The following GPSM1 variants were observed in gnomAD, a reference collection of about 807,000 sequenced individuals.
GPSM1 encodes the protein G protein-signaling modulator 1.
In GPSM1, 48 loss-of-function variants were observed where a neutral mutation model predicts 70.5. The observed-to-expected ratio is 0.68, with a 90% confidence interval of 0.54 to 0.87. The LOEUF (loss-of-function observed/expected upper bound fraction) is 0.87, where lower values mean the gene tolerates loss of function less well. Among genes scored for constraint, GPSM1 ranks in the 40% least tolerant of loss-of-function variants. The pLI is 0.00. For synonymous variants in GPSM1, 416 were observed against 430.1 expected (o/e 0.97, Z 0.41); for missense variants, 981 against 972.6 (o/e 1.01, Z -0.11).
intron 1 of GPSM1, among the ~76,000 whole-genome samples, chr9:136,328,922 C>T (rs113518691): frequency 2.5e-3 from 385 of 152,244 alleles, no homozygotes; most frequent in Non-Finnish European, 3.4e-3. Flanking sequence ...CCAGGGCGGC[C>T]GTGCTGTGAG....
In GPSM1 at chr9:136,337,471, C is replaced by T. The variant is rs75715080; in HGVS notation, c.609C>T (p.Gly203=). Residue 203 remains glycine, a synonymous_variant, in exon 5 of 14, where the codon GGC becomes GGT. Coordinates refer to ENST00000440944, the MANE Select transcript of GPSM1 (RefSeq NM_001145638.3). The stretch of plus-strand genomic sequence containing the variant: ...ACCTGTCCCTGGTGAAGGAGCTGGG[C>T]GACCGTGCGGCGCAGGGCAGGGCCT... The part of the protein sequence containing the change: ...ERNLSLVKEL[G]DRAAQGRAYG... 2.5e-5 allele frequency: 39 copies of T among 1,568,232 alleles called. No individual in the cohort carries two copies. Among genetic ancestry groups the T allele is most frequent in the East Asian group, 4.6e-5 (2 of 43,304 alleles).
At chr9:136,329,910 G>C (rs1832062922) in intron 1 of GPSM1, among the ~76,000 whole-genome samples, 1 of 150,228 alleles carries the variant, frequency 6.7e-6, no homozygotes, top group Non-Finnish European at 1.5e-5. Flanking sequence ...CTGGGTGCTG[G>C]GTCGGTGGGG....
chr9:136,337,738 A>G, intron 5 of GPSM1, 108 bp from the exon 6 acceptor site: 1 of 1,024,118 alleles, frequency 9.8e-7, no homozygotes, highest in Non-Finnish European at 1.5e-6. Context: ...GCTCACCCGG[A>G]CACACAGATC....
intron 12 of GPSM1, 28 bp downstream of exon 12, chr9:136,355,874 C>A: frequency 6.3e-7 from 1 of 1,576,708 alleles, no homozygotes; most frequent in Non-Finnish European, 8.7e-7. Context: ...CCGGGCCCTC[C>A]CTTGGGCTTG....
intron 11 of GPSM1, chr9:136,353,026 G>A: frequency 1.1e-6 from 1 of 905,984 alleles, no homozygotes; most frequent in South Asian, 5.1e-5. Context: ...AGGCATCCCA[G>A]CATTGAGGCA....
chr9:136,344,312 A>G (rs115512882), intron 9 of GPSM1, among the ~76,000 whole-genome samples: 4,037 of 152,218 alleles, frequency 0.027, 194 homozygotes, highest in African/African-American at 0.089. Flanking sequence ...GGAGATGACC[A>G]TCATGGTCCA....
rs904716184 is a variant in GPSM1, at chr9:136,336,280, C to G, written c.426+179C>G. 4.6e-5 allele frequency among the ~76,000 whole-genome samples: 7 copies of G among 152,192 alleles called. No individual in the cohort carries two copies. In the East Asian group the frequency reaches 1.4e-3, roughly 29 times the overall value. The stretch of plus-strand genomic sequence containing the variant: ...AGAGTGTGGGCCCCCAAAACAGGCC[C>G]CCCCAGCCCATGCTGACACTGCAGC... On this transcript the variant is annotated intron_variant, in intron 3 of 13. Transcript: ENST00000440944.
At chr9:136,334,315 G>A (rs1338319047) in intron 1 of GPSM1, 132 bp from the exon 2 acceptor site, 2 of 658,728 alleles carry the variant, frequency 3.0e-6, no homozygotes, top group Non-Finnish European at 5.3e-6. Context: ...GAGACACTTA[G>A]GTCTGTGAGC....
chr9:136,337,495 C>A lies in GPSM1; in HGVS notation c.633C>A (p.Ala211=), dbSNP rs148858116. 21 of 1,564,108 alleles carry A rather than the reference C, an allele frequency of 1.3e-5. No individual in the cohort carries two copies. The highest frequency in any genetic ancestry group is 1.8e-5 in the Non-Finnish European group (21 of 1,154,402). Residue 211 remains alanine, a synonymous_variant, in exon 5 of 14, where the codon GCC becomes GCA. Transcript: ENST00000440944. ...GCGACCGTGCGGCGCAGGGCAGGGC[C>A]TACGGCAACCTGGGCAACACCCACT... is the stretch of plus-strand genomic sequence containing the variant. ...ELGDRAAQGR[A]YGNLGNTHYL... is the part of the protein sequence containing the mutation.
intron 9 of GPSM1, among the ~76,000 whole-genome samples, chr9:136,347,763 C>T (rs1554771494): frequency 6.6e-6 from 1 of 152,230 alleles, no homozygotes; most frequent in Non-Finnish European, 1.5e-5. Context: ...TTCTGATCTG[C>T]CAGGTCTGTC....
chr9:136,337,335 G>T, intron 4 of GPSM1, 106 bp from the exon 5 acceptor site: 6 of 1,482,144 alleles, frequency 4.0e-6, no homozygotes, highest in Non-Finnish European at 4.5e-6. Context: ...CTCTTTCCAG[G>T]GCATGGCCCT....
Position 136,342,462 on chromosome 9 carries a change from C to T in GPSM1, c.1207+1469C>T, listed in dbSNP as rs1832415067. ...CCTCTGTGCCGCCCCGAGTGCGGGA[C>T]CCCTTCCAGCCGGCCGGACGCCTCC... On this transcript the variant is annotated intron_variant, in intron 9 of 13. Coordinates refer to ENST00000440944, the MANE Select transcript of GPSM1 (RefSeq NM_001145638.3). This position sits in a 1 kb window ranked among gnomAD's most constrained non-coding sequence, Gnocchi z 5.5. Among the ~76,000 whole-genome samples, 1 of 152,212 alleles carries T rather than the reference C, an allele frequency of 6.6e-6. No homozygotes were observed. The highest frequency in any genetic ancestry group is 1.5e-5 in the Non-Finnish European group (1 of 68,028).
chr9:136,348,711 A>G lies in GPSM1; in HGVS notation c.1222A>G (p.Arg408Gly). 6.2e-7 allele frequency: 1 copy of G among 1,611,826 alleles called. No homozygotes were observed. The highest frequency in any genetic ancestry group is 1.1e-5 in the South Asian group (1 of 90,920). Residue 408 changes from arginine (R) to glycine (G), a missense_variant, in exon 10 of 14, where the codon AGG (arginine) becomes GGG (glycine). Arg to Gly is a moderately radical substitution (Grantham distance 125). Transcript: ENST00000440944. The stretch of plus-strand genomic sequence containing the variant: ...TCTGTCTTCAGGGGCCAGACCCAAG[A>G]GGACGCAGAGGCTGAGCGCGGAGAC... ...GYEAQGARPKRTQRLSAETWD... is the reference protein window; with the variant it reads ...GYEAQGARPKGTQRLSAETWD...
rs536093177 is a variant in GPSM1 at position 136,358,479 on chromosome 9, G to A, written c.*259G>A. On this transcript the variant is annotated 3_prime_UTR_variant, in exon 14 of 14. Transcript: ENST00000440944. ...GGCCGGACGGGGCCTTCGGCATGTCGGCCCCGACCTGGTGCTGTCAGACTC... is the reference window on the plus strand; with the variant it reads ...GGCCGGACGGGGCCTTCGGCATGTCAGCCCCGACCTGGTGCTGTCAGACTC... 458 of 550,742 alleles carry A rather than the reference G, an allele frequency of 8.3e-4. 10 individuals are homozygous for A. The South Asian group carries it at 9.7e-3, about 12-fold the overall frequency. 34.1% of individuals were successfully genotyped at this position (550,742 alleles called of 1,614,324 possible).
In GPSM1 at chr9:136,343,029, A is replaced by C. The variant is rs915510001; in HGVS notation, c.1207+2036A>C. Among the ~76,000 whole-genome samples, 2 of 151,968 alleles carry C rather than the reference A, an allele frequency of 1.3e-5. No individual in the cohort carries two copies. The highest frequency in any genetic ancestry group is 4.1e-4 in the South Asian group (2 of 4,836). On this transcript the variant is annotated intron_variant, in intron 9 of 13. Coordinates refer to ENST00000440944, the MANE Select transcript of GPSM1 (RefSeq NM_001145638.3). The surrounding 1 kb of genome is among the most constrained non-coding windows in gnomAD (Gnocchi z 6.0). ...ACTTACGTGCGGCTGGAGGACAAAG[A>C]GCCTTGGCGCGGCTCAGTCAGCGTA...
At chr9:136,338,012 A>AAG in intron 6 of GPSM1, 51 bp downstream of exon 6, 1 of 1,221,722 alleles carries the variant, frequency 8.2e-7, no homozygotes, top group Non-Finnish European at 1.2e-6. Flanking sequence ...GGGGGGCTGG[A>AAG]TGCCAGGCCA....
At chr9:136,352,112 TGCTGCGCCGTTGCTGTTGGTG>T (rs1554772227) in intron 11 of GPSM1, among the ~76,000 whole-genome samples, 2,004 of 149,602 alleles carry the variant, frequency 0.013, 653 homozygotes, top group East Asian at 0.053. Flanking sequence ...GTGACACCAA[TGCTGCGCCGTTGCTGTTGGTG>T]ACACCAATGC....
intron 11 of GPSM1, among the ~76,000 whole-genome samples, chr9:136,352,790 C>T (rs1832706894): frequency 6.6e-6 from 1 of 152,260 alleles, no homozygotes; most frequent in African/African-American, 2.4e-5. Flanking sequence ...GAAAAGGGCT[C>T]TTCGGCAGGC....
chr9:136,345,332 C>T (rs1832496837), intron 9 of GPSM1, among the ~76,000 whole-genome samples: 2 of 152,172 alleles, frequency 1.3e-5, no homozygotes, highest in Non-Finnish European at 2.9e-5. Flanking sequence ...GCGGGAGAGA[C>T]AGGAAGCCAA....
Sources: gnomAD v4.1 joint callset for allele counts (sites outside exome capture counted in the v4.1 genomes callset) on GRCh38, gnomAD v4.1.1 for gene constraint, Gnocchi (gnomAD v3.1) non-coding constraint, MANE v1.5 for transcripts, NCBI Gene and HGNC (gene_info 2026-07-23, HGNC 2026-07-21) for gene names.